The following COPS4 variants were observed in gnomAD, a reference collection of about 807,000 sequenced individuals.
COPS4 encodes COP9 signalosome complex subunit 4.
Under a neutral mutation model 55.1 loss-of-function variants are expected in COPS4, and 8 were observed. That is an observed-to-expected ratio of 0.15 (90% CI 0.09 to 0.26). COPS4 has a LOEUF of 0.26. Among genes scored for constraint, COPS4 ranks in the 10% least tolerant of loss-of-function variants. The probability of loss-of-function intolerance (pLI) is 1.00; values close to 1 mark genes in which losing one functional copy is unlikely to be tolerated. For missense variants in COPS4, 248 were observed against 484.0 expected, an observed-to-expected ratio of 0.51 and a Z score of 4.58; for synonymous variants, 185 against 165.7, an observed-to-expected ratio of 1.12 and a Z score of -0.90.
At position 83,075,558 on chromosome 4, in the gene COPS4, G is replaced by C; in HGVS notation, c.*128G>C. 1 of 1,047,240 alleles carries C rather than the reference G, an allele frequency of 9.5e-7. No homozygotes were observed. The highest frequency in any genetic ancestry group is 1.4e-6 in the Non-Finnish European group (1 of 739,570). 64.9% of individuals were successfully genotyped at this position (1,047,240 alleles called of 1,614,324 possible). On this transcript the variant is annotated 3_prime_UTR_variant, in exon 10 of 10. Transcript: ENST00000264389. ...CCTTTTATGCTGGATTCCGTTTAAAGAAGACATTATTAGAGCAGGAAGTAC... is the reference window on the plus strand; with the variant it reads ...CCTTTTATGCTGGATTCCGTTTAAACAAGACATTATTAGAGCAGGAAGTAC...
At chr4:83,061,120 A>G (rs976306026) in intron 6 of COPS4, among the ~76,000 whole-genome samples, 10 of 151,042 alleles carry the variant, frequency 6.6e-5, no homozygotes, top group South Asian at 6.2e-4. Context: ...TGCTCATTCT[A>G]TTCTTCTGCA....
chr4:83,065,291 G>A (rs190396414), intron 7 of COPS4: 8 of 412,034 alleles, frequency 1.9e-5, no homozygotes, highest in Admixed American at 8.5e-5. Flanking sequence ...TTAGAGATAT[G>A]TGATCATTAT....
intron 1 of COPS4, among the ~76,000 whole-genome samples, chr4:83,038,973 T>G (rs1730493391): frequency 6.6e-6 from 1 of 152,234 alleles, no homozygotes; most frequent in South Asian, 2.1e-4. Flanking sequence ...ATTTTGTCTT[T>G]AATTTTGTGT....
intron 4 of COPS4, among the ~76,000 whole-genome samples, chr4:83,053,701 G>A (rs950143486): frequency 7.9e-5 from 12 of 151,866 alleles, no homozygotes; most frequent in African/African-American, 2.9e-4. Flanking sequence ...ATTAGCCGGT[G>A]TGGTCTCATG....
chr4:83,042,056 G>A (rs1306570008), intron 1 of COPS4, among the ~76,000 whole-genome samples: 1 of 151,028 alleles, frequency 6.6e-6, no homozygotes, highest in African/African-American at 2.4e-5. Flanking sequence ...GTAGAGATGA[G>A]GTTTCACCAT....
intron 6 of COPS4, among the ~76,000 whole-genome samples, chr4:83,061,153 G>C (rs959093267): frequency 6.1e-5 from 9 of 147,096 alleles, no homozygotes; most frequent in African/African-American, 2.0e-4. Flanking sequence ...TTCCTTTTTT[G>C]TACTTTTATT....
chr4:83,054,397 G>T (rs115746396), intron 4 of COPS4, among the ~76,000 whole-genome samples: 4 of 152,116 alleles, frequency 2.6e-5, no homozygotes, highest in Non-Finnish European at 5.9e-5. Context: ...TTTTCTACTC[G>T]TTTGCCAGGT....
intron 4 of COPS4, among the ~76,000 whole-genome samples, chr4:83,053,488 G>A (rs1332523815): frequency 6.6e-6 from 1 of 152,048 alleles, no homozygotes; most frequent in African/African-American, 2.4e-5. Flanking sequence ...AGGGCACAGT[G>A]GGTTCAAGGA....
chr4:83,065,147 A>G (rs186339283), intron 7 of COPS4: 3 of 629,942 alleles, frequency 4.8e-6, no homozygotes, highest in African/African-American at 1.9e-5. Context: ...AAGTGCTGGG[A>G]TGATAGGGGT....
intron 4 of COPS4, among the ~76,000 whole-genome samples, chr4:83,051,957 A>G (rs1390631943): frequency 1.3e-5 from 2 of 152,232 alleles, no homozygotes; most frequent in African/African-American, 4.8e-5. Context: ...AAGCCAAATG[A>G]GGAAAATGTA....
intron 9 of COPS4, among the ~76,000 whole-genome samples, chr4:83,071,277 T>C (rs143065197): frequency 1.3e-5 from 2 of 152,334 alleles, no homozygotes; most frequent in African/African-American, 2.4e-5. Flanking sequence ...AAATGAGAAA[T>C]AAGTGTTGAA....
Position 83,056,098 on chromosome 4 carries a change from T to G in COPS4, c.411-828T>G, listed in dbSNP as rs147379093. 2.0e-3 allele frequency among the ~76,000 whole-genome samples: 297 copies of G among 151,940 alleles called. 2 individuals carry two copies. The highest frequency in any genetic ancestry group is 6.8e-3 in the African/African-American group (281 of 41,456). The stretch of plus-strand genomic sequence containing the variant: ...TGTGGTGCCAACCATGCCCGGCTAA[T>G]TTTTTGTATTTTTAGTAGAGACAGG... On this transcript the variant is annotated intron_variant, in intron 4 of 9. Coordinates refer to ENST00000264389, the MANE Select transcript of COPS4 (RefSeq NM_016129.3).
rs1181426512 is a variant in COPS4, at chr4:83,063,477, G to A, written c.886+231G>A. Reference sequence around the variant, plus strand: ...TGCAGTGGCACAATGGCGTGATCTCGGCTCACTGCAAACTCTACCTCCTGG... The same window carrying A: ...TGCAGTGGCACAATGGCGTGATCTCAGCTCACTGCAAACTCTACCTCCTGG... On this transcript the variant is annotated intron_variant, in intron 7 of 9. Coordinates refer to ENST00000264389, the MANE Select transcript of COPS4 (RefSeq NM_016129.3). Among the ~76,000 whole-genome samples the A allele has an allele frequency of 2.7e-5, 4 of 149,866 alleles. No individual in the cohort carries two copies. The East Asian group carries it at 5.9e-4, about 22-fold the overall frequency.
At position 83,042,631 on chromosome 4, in the gene COPS4, T is replaced by C. The variant is rs192138891; in HGVS notation, c.75-2995T>C. Among the ~76,000 whole-genome samples the C allele has an allele frequency of 9.2e-5, 14 of 152,092 alleles. No homozygotes were observed. In the East Asian group the frequency reaches 2.5e-3, roughly 27 times the overall value. ...AAATTTTTATTTTTGAGATGAGATA[T>C]CACTCTGTTGCCCAGGTTGGAGTTG... On this transcript the variant is annotated intron_variant, in intron 1 of 9. Coordinates refer to ENST00000264389, the MANE Select transcript of COPS4 (RefSeq NM_016129.3).
intron 7 of COPS4, among the ~76,000 whole-genome samples, chr4:83,064,458 C>A (rs1731246733): frequency 6.6e-6 from 1 of 152,210 alleles, no homozygotes; most frequent in Non-Finnish European, 1.5e-5. Context: ...ATCTCCAGAA[C>A]TTTTACATTT....
intron 7 of COPS4, among the ~76,000 whole-genome samples, chr4:83,064,869 C>CTTTTTTT (rs140166684): frequency 5.4e-4 from 40 of 73,632 alleles, no homozygotes; most frequent in African/African-American, 1.3e-3. Context: ...TAAGCAGTCC[C>CTTTTTTT]TTTTTTTTTT....
At chr4:83,067,755 G>T (rs1187642147) in intron 8 of COPS4, among the ~76,000 whole-genome samples, 2 of 152,230 alleles carry the variant, frequency 1.3e-5, no homozygotes, top group Admixed American at 6.5e-5. Flanking sequence ...GGGAGTCAAG[G>T]TTTAAGTTAC....
chr4:83,045,275 T>G (rs1730677989), intron 1 of COPS4, among the ~76,000 whole-genome samples: 1 of 152,218 alleles, frequency 6.6e-6, no homozygotes, highest in Non-Finnish European at 1.5e-5. Context: ...GAAAGGAAAT[T>G]GACTTTGTAG....
At chr4:83,074,831 T>C (rs936117307) in intron 9 of COPS4, among the ~76,000 whole-genome samples, 1 of 151,714 alleles carries the variant, frequency 6.6e-6, no homozygotes, top group Admixed American at 6.6e-5. Context: ...TAAAAGCTAA[T>C]AGAAGTATTG....
Sources: gnomAD v4.1 joint callset for allele counts (sites outside exome capture counted in the v4.1 genomes callset) on GRCh38, gnomAD v4.1.1 for gene constraint, MANE v1.5 for transcripts, NCBI Gene and HGNC (gene_info 2026-07-23, HGNC 2026-07-21) for gene names.